Variants in AMN1 observed in about 807,000 individuals in gnomAD.
The protein encoded by AMN1 is antagonist of mitotic exit network 1 homolog.
A neutral mutation model predicts 33.0 loss-of-function variants in AMN1; 20 were observed. That is an observed-to-expected ratio of 0.61 (90% CI 0.43 to 0.88). The LOEUF (loss-of-function observed/expected upper bound fraction) is 0.88. Among genes scored for constraint, AMN1 ranks in the 40% least tolerant of loss-of-function variants. The pLI is 0.00. For synonymous variants in AMN1, 114 were observed against 111.9 expected (o/e 1.02, Z -0.12); for missense variants, 246 against 307.4 (o/e 0.80, Z 1.49).
intron 6 of AMN1, among the ~76,000 whole-genome samples, chr12:31,686,553 C>T (rs1480000663): frequency 6.6e-6 from 1 of 152,152 alleles, no homozygotes; most frequent in East Asian, 1.9e-4. Context: ...TACACAAAGT[C>T]GAAAATGTGT....
rs1170535443 is a variant in AMN1 at position 31,671,904 on chromosome 12, T to C, written c.*400A>G. 1 of 154,732 alleles carries C rather than the reference T, an allele frequency of 6.5e-6. No individual in the cohort carries two copies. Among genetic ancestry groups the C allele is most frequent in the Non-Finnish European group, 1.4e-5 (1 of 69,774 alleles). 9.6% of individuals were successfully genotyped at this position (154,732 alleles called of 1,614,324 possible). ...GGTAACTATGCTTTTAGAAATATGTTTACTTAGATTCTCCCAAGGTTTATA... is the reference window on the plus strand; with the variant it reads ...GGTAACTATGCTTTTAGAAATATGTCTACTTAGATTCTCCCAAGGTTTATA... On this transcript the variant is annotated 3_prime_UTR_variant, in exon 7 of 7. Coordinates refer to ENST00000281471, the MANE Select transcript of AMN1 (RefSeq NM_001113402.2).
chr12:31,697,795 T>A lies in AMN1; in HGVS notation c.479A>T (p.His160Leu), dbSNP rs756779442. ...AAATGGGCAGTTTTTTCCTAATGCA[T>A]GTAAGGACACATCAGTAATACTTAA... ...GCLSITDVSL[H>L]ALGKNCPFLQ... Residue 160 changes from histidine to leucine, a missense_variant, in exon 4 of 7, where the codon CAT (histidine) becomes CTT (leucine). By Grantham distance (99) the His-to-Leu change is moderately conservative. Coordinates refer to ENST00000281471, the MANE Select transcript of AMN1 (RefSeq NM_001113402.2). 1.2e-6 allele frequency: 2 copies of A among 1,614,026 alleles called. No individual in the cohort carries two copies. Among genetic ancestry groups the A allele is most frequent in the East Asian group, 4.5e-5 (2 of 44,886 alleles).
At chr12:31,688,524 G>T (rs1938364857) in intron 6 of AMN1, among the ~76,000 whole-genome samples, 3 of 152,072 alleles carry the variant, frequency 2.0e-5, no homozygotes, top group African/African-American at 2.4e-5. Flanking sequence ...GGAATTGTCA[G>T]AGGCCGGGCG....
chr12:31,720,857 A>C (rs1939855944), intron 1 of AMN1, among the ~76,000 whole-genome samples: 1 of 152,244 alleles, frequency 6.6e-6, no homozygotes, highest in Non-Finnish European at 1.5e-5. Flanking sequence ...GGCTAATGTG[A>C]ATAATGCTGC....
At chr12:31,703,334 C>T (rs1005104261) in intron 2 of AMN1, among the ~76,000 whole-genome samples, 2 of 152,124 alleles carry the variant, frequency 1.3e-5, no homozygotes, top group Non-Finnish European at 2.9e-5. Flanking sequence ...GGTACATGTG[C>T]AGGTTAGTTA....
chr12:31,685,800 C>CAAAA lies in AMN1; in HGVS notation c.703+3203_703+3206dup, dbSNP rs10525163. ...TGGGCGACAGAGCAAGACTCATTAT[C>CAAAA]AAAAAAAAAAGAAAGAAAGAAAGAA... On this transcript the variant is annotated intron_variant, in intron 6 of 6. Coordinates refer to ENST00000281471, the MANE Select transcript of AMN1 (RefSeq NM_001113402.2). 4.1e-5 allele frequency among the ~76,000 whole-genome samples: 5 copies of CAAAA among 120,978 alleles called. 2 individuals are homozygous for CAAAA. The highest frequency in any genetic ancestry group is 2.4e-4 in the East Asian group (1 of 4,188). 79.4% of individuals were successfully genotyped at this position (120,978 alleles called of 152,430 possible).
intron 2 of AMN1, chr12:31,708,593 A>G (rs918303033): frequency 8.3e-5 from 13 of 156,548 alleles, no homozygotes; most frequent in Non-Finnish European, 1.7e-4. Flanking sequence ...AAAGCATGTG[A>G]CCTACTCCCT....
chr12:31,708,337 G>A (rs978701033), intron 2 of AMN1, among the ~76,000 whole-genome samples: 4 of 152,106 alleles, frequency 2.6e-5, no homozygotes, highest in African/African-American at 4.8e-5. Flanking sequence ...TGTCCTATGC[G>A]GTTGAGATAA....
intron 1 of AMN1, among the ~76,000 whole-genome samples, chr12:31,713,211 G>T (rs993921241): frequency 2.0e-5 from 3 of 151,998 alleles, no homozygotes; most frequent in African/African-American, 7.3e-5. Flanking sequence ...TGTTCTCTCT[G>T]TGTGTTATAT....
chr12:31,676,554 C>G (rs995331614), intron 6 of AMN1, among the ~76,000 whole-genome samples: 3 of 151,210 alleles, frequency 2.0e-5, no homozygotes, highest in Admixed American at 2.0e-4. Context: ...GATCTCCTGA[C>G]CTCGTGATCT....
intron 3 of AMN1, among the ~76,000 whole-genome samples, chr12:31,699,407 A>AAG (rs1182386042): frequency 6.8e-6 from 1 of 146,236 alleles, no homozygotes; most frequent in East Asian, 1.9e-4. Flanking sequence ...AAAAAAAAAA[A>AAG]AAAAAAAAAA....
intron 4 of AMN1, 21 bp downstream of exon 4, chr12:31,697,719 T>G: frequency 1.9e-6 from 3 of 1,602,502 alleles, no homozygotes; most frequent in Non-Finnish European, 2.6e-6. Context: ...TCTATATGTT[T>G]GTAGCCTATA....
chr12:31,719,720 A>G (rs1042033897), intron 1 of AMN1, among the ~76,000 whole-genome samples: 4 of 152,248 alleles, frequency 2.6e-5, no homozygotes, highest in Admixed American at 1.3e-4. Context: ...AAAGATGTAT[A>G]GATCCTAAGA....
Position 31,697,925 on chromosome 12 carries a change from G to T in AMN1, c.349C>A (p.Leu117Ile). 2.5e-6 allele frequency: 4 copies of T among 1,613,946 alleles called. No individual in the cohort carries two copies. Among genetic ancestry groups the T allele is most frequent in the Non-Finnish European group, 3.4e-6 (4 of 1,179,872 alleles). The change falls in exon 4 of 7, where the codon CTA (leucine) becomes ATA (isoleucine). Residue 117 changes from leucine (L) to isoleucine (I), a missense_variant. By Grantham distance (5) the Leu-to-Ile change is conservative. Coordinates refer to ENST00000281471, the MANE Select transcript of AMN1 (RefSeq NM_001113402.2). The part of the protein sequence containing the change: ...IKAVASSCSY[L>I]HEASLKRCCN... The stretch of plus-strand genomic sequence containing the variant: ...CATCTTTTCAAAGAAGCTTCGTGTA[G>T]GTATGAACAAGATGAAGCCACAGCT...
At chr12:31,712,256 AT>A (rs61078475) in intron 1 of AMN1, among the ~76,000 whole-genome samples, 3,177 of 150,916 alleles carry the variant, frequency 0.021, 130 homozygotes, top group African/African-American at 0.074. Context: ...TTTTATTATT[AT>A]TTTTTTTCAA....
At chr12:31,707,614 A>G (rs192581967) in intron 2 of AMN1, among the ~76,000 whole-genome samples, 35 of 152,308 alleles carry the variant, frequency 2.3e-4, no homozygotes, top group Admixed American at 3.9e-4. Flanking sequence ...TCTTTAAAAG[A>G]CCTCATATAT....
chr12:31,673,804 G>A (rs1951331277), intron 6 of AMN1, among the ~76,000 whole-genome samples: 2 of 152,324 alleles, frequency 1.3e-5, no homozygotes, highest in South Asian at 4.1e-4. Flanking sequence ...TCATAGGAAT[G>A]CAAGGTTACT....
intron 1 of AMN1, 123 bp from the exon 2 acceptor site, chr12:31,709,548 G>A: frequency 8.1e-7 from 1 of 1,227,138 alleles, no homozygotes; most frequent in Non-Finnish European, 1.1e-6. Context: ...GCTGGGTGTG[G>A]TGGCTCACGC....
intron 1 of AMN1, among the ~76,000 whole-genome samples, chr12:31,710,926 T>C (rs983958235): frequency 3.9e-5 from 6 of 152,192 alleles, no homozygotes; most frequent in Admixed American, 1.3e-4. Context: ...TATTTATTTT[T>C]TGAGACAGAG....
Sources: allele counts gnomAD v4.1 joint callset (sites outside exome capture counted in the v4.1 genomes callset), GRCh38; gene constraint gnomAD v4.1.1; transcripts MANE v1.5; gene names NCBI Gene and HGNC (gene_info 2026-07-23, HGNC 2026-07-21).